The following ITGA11 variants were observed in gnomAD, a reference collection of about 807,000 sequenced individuals.
ITGA11 encodes integrin subunit alpha 11, also known as integrin alpha-11.
In ITGA11, 97 loss-of-function variants were observed where a neutral mutation model predicts 141.9. The ratio of observed to expected loss-of-function variants is 0.68; its 90% CI spans 0.58 to 0.81. The LOEUF (loss-of-function observed/expected upper bound fraction) is 0.81. Among genes scored for constraint, ITGA11 ranks in the 30% least tolerant of loss-of-function variants. The pLI is 0.00. For synonymous variants in ITGA11, 658 were observed against 624.6 expected (o/e 1.05, Z -0.80); for missense variants, 1,387 against 1,559.2 (o/e 0.89, Z 1.86).
chr15:68,358,398 C>A, intron 6 of ITGA11, 60 bp downstream of exon 6: 1 of 1,525,226 alleles, frequency 6.6e-7, no homozygotes, highest in South Asian at 1.3e-5. Context: ...CCTAAGGCAG[C>A]ACCTGCCATG....
intron 1 of ITGA11, among the ~76,000 whole-genome samples, chr15:68,425,030 G>C (rs567409256): frequency 6.6e-6 from 1 of 152,220 alleles, no homozygotes; most frequent in Non-Finnish European, 1.5e-5. Flanking sequence ...CATGTTTCTT[G>C]AGGCAGAGAC....
chr15:68,407,677 C>T (rs933920628), intron 1 of ITGA11, among the ~76,000 whole-genome samples: 1 of 152,196 alleles, frequency 6.6e-6, no homozygotes, highest in Non-Finnish European at 1.5e-5. Flanking sequence ...GGCTGCTCTC[C>T]TGTGGGCCGT....
chr15:68,326,758 T>C lies in ITGA11; in HGVS notation c.2107A>G (p.Thr703Ala). 1 of 1,581,344 alleles carries C rather than the reference T, an allele frequency of 6.3e-7. No homozygotes were observed. Among genetic ancestry groups the C allele is most frequent in the Non-Finnish European group, 8.6e-7 (1 of 1,163,356 alleles). ...CCCTCGTCCAGGTGGGCCCTCGGTGTATACCGCCTCTCATCCATGGTGGCG... is the reference window on the plus strand; with the variant it reads ...CCCTCGTCCAGGTGGGCCCTCGGTGCATACCGCCTCTCATCCATGGTGGCG... The part of the protein sequence containing the change: ...YNATMDERRY[T>A]PRAHLDEGGD... The change falls in exon 17 of 30, where the codon ACA (threonine) becomes GCA (alanine). Residue 703 changes from threonine (T) to alanine (A), a missense_variant. By Grantham distance (58) the Thr-to-Ala change is moderately conservative. Coordinates refer to ENST00000315757, the MANE Select transcript of ITGA11 (RefSeq NM_001004439.2). The surrounding 1 kb of genome is among the most constrained non-coding windows in gnomAD (Gnocchi z 6.8).
chr15:68,348,510 T>C (rs1403769878), intron 10 of ITGA11, among the ~76,000 whole-genome samples: 2 of 152,214 alleles, frequency 1.3e-5, no homozygotes, highest in Non-Finnish European at 2.9e-5. Flanking sequence ...TTGTCTGTAG[T>C]CCATTCGCTT....
chr15:68,412,567 A>C (rs1302438822), intron 1 of ITGA11, among the ~76,000 whole-genome samples: 3 of 150,892 alleles, frequency 2.0e-5, no homozygotes, highest in Non-Finnish European at 4.4e-5. Context: ...CTCTCTTTCC[A>C]GTTGCTAGGG....
intron 24 of ITGA11, 44 bp from the exon 25 acceptor site, chr15:68,311,447 G>T: frequency 7.1e-7 from 1 of 1,408,044 alleles, no homozygotes; most frequent in South Asian, 1.2e-5. Flanking sequence ...CAGTTGAGGG[G>T]GGTGGAAAAC....
At chr15:68,404,095 CT>C (rs1221319562) in intron 1 of ITGA11, among the ~76,000 whole-genome samples, 1 of 152,028 alleles carries the variant, frequency 6.6e-6, no homozygotes, top group African/African-American at 2.4e-5. Flanking sequence ...TTGGTCTCCT[CT>C]TTTTTTTCCC....
At chr15:68,320,533 T>C in intron 19 of ITGA11, 141 bp from the exon 20 acceptor site, 1 of 639,936 alleles carries the variant, frequency 1.6e-6, no homozygotes, top group Non-Finnish European at 2.7e-6. Flanking sequence ...GGGAGGAGAG[T>C]GGAAATGGAT....
chr15:68,427,240 G>A (rs1239250894), intron 1 of ITGA11, among the ~76,000 whole-genome samples: 3 of 152,190 alleles, frequency 2.0e-5, no homozygotes, highest in Admixed American at 2.0e-4. Context: ...AATATTAAAT[G>A]ATGGGAAGAG....
In ITGA11 at chr15:68,431,623, C is replaced by A. The variant is rs536473450; in HGVS notation, c.52+392G>T. The stretch of plus-strand genomic sequence containing the variant: ...AGGGCACACTCTCTTGGCGCTGATT[C>A]CCTTCCCCAGCCGGGGCCGTGCGCC... On this transcript the variant is annotated intron_variant, in intron 1 of 29. Coordinates refer to ENST00000315757, the MANE Select transcript of ITGA11 (RefSeq NM_001004439.2). Among the ~76,000 whole-genome samples, 19 of 152,354 alleles carry A rather than the reference C, an allele frequency of 1.2e-4. 1 individual carries two copies. The highest frequency in any genetic ancestry group is 4.3e-4 in the African/African-American group (18 of 41,590).
rs1228552178 is a variant in ITGA11, at chr15:68,313,773, G to C, written c.2882+6C>G. 6.2e-6 allele frequency: 10 copies of C among 1,612,996 alleles called. No homozygotes were observed. Among genetic ancestry groups the C allele is most frequent in the Non-Finnish European group, 8.5e-6 (10 of 1,179,276 alleles). ...CCTCTCCTGGGGCCCCCGGAGCCCG[G>C]CCCACCTGGTGAAGAGGACGTCAGC... On this transcript the variant is annotated splice_donor_region_variant and intron_variant, in intron 23 of 29. Coordinates refer to ENST00000315757, the MANE Select transcript of ITGA11 (RefSeq NM_001004439.2).
At chr15:68,398,181 A>T (rs1896369156) in intron 2 of ITGA11, among the ~76,000 whole-genome samples, 1 of 151,854 alleles carries the variant, frequency 6.6e-6, no homozygotes, top group South Asian at 2.1e-4. Flanking sequence ...AATGGACTAA[A>T]TGCTCCAATT....
At chr15:68,339,895 A>C (rs1180577270) in intron 10 of ITGA11, among the ~76,000 whole-genome samples, 5 of 152,176 alleles carry the variant, frequency 3.3e-5, no homozygotes, top group African/African-American at 9.7e-5. Flanking sequence ...TTTAGGGAAA[A>C]AGGAATGTTC....
At position 68,302,353 on chromosome 15, in the gene ITGA11, C is replaced by T. The variant is rs79251975; in HGVS notation, c.*706G>A. 5,573 of 152,440 alleles carry T rather than the reference C, an allele frequency of 0.037. 352 individuals carry two copies. The highest frequency in any genetic ancestry group is 0.13 in the African/African-American group (5,325 of 41,516). The allele number at this position is 152,440 out of a possible 1,614,324, so 9.4% of individuals were successfully genotyped here. ...AGCTGGTGGGGGAATGTGTGAGTTGCGGTCAATGTGAATGCACGTGGGTGC... is the reference window on the plus strand; with the variant it reads ...AGCTGGTGGGGGAATGTGTGAGTTGTGGTCAATGTGAATGCACGTGGGTGC... On this transcript the variant is annotated 3_prime_UTR_variant, in exon 30 of 30. Coordinates refer to ENST00000315757, the MANE Select transcript of ITGA11 (RefSeq NM_001004439.2).
chr15:68,365,158 C>A, intron 3 of ITGA11: 1 of 985,430 alleles, frequency 1.0e-6, no homozygotes. Context: ...GGGCTGGCTT[C>A]CTTTGTGCAG....
intron 1 of ITGA11, among the ~76,000 whole-genome samples, chr15:68,414,821 C>A (rs568389440): frequency 6.6e-6 from 1 of 152,304 alleles, no homozygotes; most frequent in East Asian, 1.9e-4. Flanking sequence ...CAAGCCCCCC[C>A]ATGAAAGTGA....
chr15:68,392,881 A>G (rs80298842), intron 2 of ITGA11, among the ~76,000 whole-genome samples: 2,219 of 152,330 alleles, frequency 0.015, 59 homozygotes, highest in East Asian at 0.093. Flanking sequence ...ATGGATAACC[A>G]TGAGATAAAA....
rs1893276078 is a variant in ITGA11 at position 68,308,687 on chromosome 15, G to A, written c.3175-991C>T. On this transcript the variant is annotated intron_variant, in intron 26 of 29. Transcript: ENST00000315757. This position sits in a 1 kb window ranked among gnomAD's most constrained non-coding sequence, Gnocchi z 5.2. Reference sequence around the variant, plus strand: ...GAACCCGGGAGGCGGAGGTCGCAGTGAGCCGAGATCGTGCCACTGCACTCC... The same window carrying A: ...GAACCCGGGAGGCGGAGGTCGCAGTAAGCCGAGATCGTGCCACTGCACTCC... Among the ~76,000 whole-genome samples the A allele has an allele frequency of 1.3e-5, 2 of 152,020 alleles. No individual in the cohort carries two copies. The highest frequency in any genetic ancestry group is 2.9e-5 in the Non-Finnish European group (2 of 68,036).
At chr15:68,313,973 G>A in intron 22 of ITGA11, 105 bp from the exon 23 acceptor site, 2 of 850,452 alleles carry the variant, frequency 2.4e-6, no homozygotes, top group South Asian at 3.1e-5. Flanking sequence ...CTTATCTGGG[G>A]CTGATGGGCA....
Sources: allele counts gnomAD v4.1 joint callset (sites outside exome capture counted in the v4.1 genomes callset), GRCh38; gene constraint gnomAD v4.1.1; non-coding constraint Gnocchi (gnomAD v3.1); transcripts MANE v1.5; gene names NCBI Gene and HGNC (gene_info 2026-07-23, HGNC 2026-07-21).